CLOCK: variants seen among roughly 807,000 people sequenced by gnomAD.
CLOCK encodes the protein clock circadian regulator, also known as circadian locomoter output cycles protein kaput.
In CLOCK, 43 loss-of-function variants were observed where a neutral mutation model predicts 118.4. The ratio of observed to expected loss-of-function variants is 0.36; its 90% CI spans 0.28 to 0.47. The LOEUF (loss-of-function observed/expected upper bound fraction) is 0.47, where lower values mean the gene tolerates loss of function less well. Ranked by LOEUF, CLOCK falls within the 20% of genes least tolerant of loss-of-function variation. The probability of loss-of-function intolerance (pLI) is 1.00; values close to 1 mark genes in which losing one functional copy is unlikely to be tolerated. For missense variants in CLOCK, 846 were observed against 999.9 expected (o/e 0.85, Z 2.08); for synonymous variants, 326 against 339.2 (o/e 0.96, Z 0.43).
At position 55,433,701 on chromosome 4, in the gene CLOCK, CTG is replaced by C. The variant is rs1272820334; in HGVS notation, c.*1712_*1713del. 6.6e-6 allele frequency: 1 copy of C among 152,078 alleles called. No individual in the cohort carries two copies. Among genetic ancestry groups the C allele is most frequent in the Non-Finnish European group, 1.5e-5 (1 of 68,008 alleles). The allele number at this position is 152,078 out of a possible 1,614,324, so 9.4% of individuals were successfully genotyped here. On this transcript the variant is annotated 3_prime_UTR_variant, in exon 23 of 23. Coordinates refer to ENST00000513440, the MANE Select transcript of CLOCK (RefSeq NM_004898.4). Reference sequence around the variant, plus strand: ...CTACTAATCCTCTTTTGTTCTATCACTGTAAATTTCATTAGTACCATAAAATC... The same window carrying C: ...CTACTAATCCTCTTTTGTTCTATCACTAAATTTCATTAGTACCATAAAATC...
At position 55,444,871 on chromosome 4, in the gene CLOCK, A is replaced by C. The variant is rs146099049; in HGVS notation, c.1540-86T>G. 364 of 1,343,120 alleles carry C rather than the reference A, an allele frequency of 2.7e-4. 1 individual carries two copies. The African/African-American group carries it at 4.6e-3, about 17-fold the overall frequency. The allele number at this position is 1,343,120 out of a possible 1,614,324, so 83.2% of individuals were successfully genotyped here. A position where few individuals can be genotyped will look rare whatever the true frequency, so the allele number is the denominator to read the frequency against. On this transcript the variant is annotated intron_variant, in intron 18 of 22. Coordinates refer to ENST00000513440, the MANE Select transcript of CLOCK (RefSeq NM_004898.4). ...GCACAACATGAAAAGTAAGCAGTAT[A>C]ACATGAGTGAAGGATGATAACATCC...
intron 3 of CLOCK, among the ~76,000 whole-genome samples, chr4:55,488,341 C>T (rs945621395): frequency 3.9e-5 from 6 of 152,258 alleles, no homozygotes; most frequent in African/African-American, 1.4e-4. Flanking sequence ...CCAATGACTC[C>T]CAAATCCACA....
rs550233859 is a variant in CLOCK, at chr4:55,546,171, C to G, written c.-290+611G>C. 1.3e-3 allele frequency among the ~76,000 whole-genome samples: 194 copies of G among 152,264 alleles called. 1 individual carries two copies. The highest frequency in any genetic ancestry group is 1.9e-4 in the East Asian group (1 of 5,156). ...GTCACAAGGCCTAGCGGGTCCCCAGCGAAAGCTCTCTCGGCACCCGGTCCC... is the reference window on the plus strand; with the variant it reads ...GTCACAAGGCCTAGCGGGTCCCCAGGGAAAGCTCTCTCGGCACCCGGTCCC... On this transcript the variant is annotated intron_variant, in intron 1 of 22. Coordinates refer to ENST00000513440, the MANE Select transcript of CLOCK (RefSeq NM_004898.4).
Position 55,453,810 on chromosome 4 carries a change from T to C in CLOCK, c.997A>G (p.Lys333Glu), listed in dbSNP as rs1724681101. Reference protein sequence around the residue: ...KCHEHLMQYGKGKSCYYRFLT... With the variant: ...KCHEHLMQYGEGKSCYYRFLT... ...AACCTATAATAACATGATTTGCCTT[T>C]CCCATATTGCATTACTAAAAGGAAA... is the stretch of plus-strand genomic sequence containing the variant. Residue 333 changes from lysine to glutamate, a missense_variant, in exon 14 of 23, where the codon AAA (lysine) becomes GAA (glutamate). Physicochemically the swap from Lys to Glu is moderately conservative, Grantham distance 56. Around this residue, in one of 4 missense-constraint regions of CLOCK, gnomAD observed 66 missense variants for 99.4 expected, o/e 0.66. Coordinates refer to ENST00000513440, the MANE Select transcript of CLOCK (RefSeq NM_004898.4). 2.5e-6 allele frequency: 4 copies of C among 1,606,324 alleles called. No individual in the cohort carries two copies. The highest frequency in any genetic ancestry group is 3.4e-6 in the Non-Finnish European group (4 of 1,176,106).
chr4:55,466,573 G>A (rs573141216), intron 8 of CLOCK, among the ~76,000 whole-genome samples: 1 of 152,276 alleles, frequency 6.6e-6, no homozygotes, highest in South Asian at 2.1e-4. Context: ...AAATTATGAT[G>A]TGACCTATCT....
At chr4:55,486,283 C>T (rs1246296426) in intron 3 of CLOCK, 1 of 152,148 alleles carries the variant, frequency 6.6e-6, no homozygotes, top group East Asian at 1.9e-4. Flanking sequence ...CTGTCTGTAT[C>T]TACTATTTCT....
chr4:55,449,233 C>A (rs1724214079), intron 17 of CLOCK, among the ~76,000 whole-genome samples, 163 bp downstream of exon 17: 1 of 151,680 alleles, frequency 6.6e-6, no homozygotes, highest in Non-Finnish European at 1.5e-5. Context: ...CATATGACAA[C>A]CACTTCATAC....
chr4:55,456,616 T>C (rs1560428661), intron 11 of CLOCK, among the ~76,000 whole-genome samples: 1 of 136,564 alleles, frequency 7.3e-6, no homozygotes, highest in Non-Finnish European at 1.6e-5. Flanking sequence ...AATACATAAA[T>C]AAATAGTCAT....
chr4:55,504,298 A>AT (rs1466769986), intron 2 of CLOCK, among the ~76,000 whole-genome samples: 18 of 150,678 alleles, frequency 1.2e-4, no homozygotes, highest in African/African-American at 4.1e-4. Flanking sequence ...AAAAAAAAAA[A>AT]AAAAAAAAAC....
At chr4:55,539,636 G>GA (rs1330853437) in intron 1 of CLOCK, among the ~76,000 whole-genome samples, 2 of 107,186 alleles carry the variant, frequency 1.9e-5, no homozygotes, top group Non-Finnish European at 4.1e-5. Context: ...AACAAAAATA[G>GA]AAAAAATCAC....
intron 2 of CLOCK, among the ~76,000 whole-genome samples, chr4:55,507,343 T>G (rs1301706787): frequency 6.6e-6 from 1 of 151,764 alleles, no homozygotes; most frequent in Non-Finnish European, 1.5e-5. Flanking sequence ...CCAGGCATGG[T>G]GGCTCACACC....
At chr4:55,468,389 C>A in intron 8 of CLOCK, among the ~76,000 whole-genome samples, 1 of 152,126 alleles carries the variant, frequency 6.6e-6, no homozygotes, top group East Asian at 1.9e-4. Context: ...GGCACAGCAC[C>A]TAGCATGGTG....
chr4:55,524,452 T>C (rs1730042949), intron 1 of CLOCK, among the ~76,000 whole-genome samples: 1 of 151,824 alleles, frequency 6.6e-6, no homozygotes, highest in Non-Finnish European at 1.5e-5. Context: ...TTAATACCTA[T>C]TAAATGACTG....
intron 1 of CLOCK, among the ~76,000 whole-genome samples, 170 bp from the exon 2 acceptor site, chr4:55,510,235 A>T (rs1410696087): frequency 6.6e-6 from 1 of 152,218 alleles, no homozygotes; most frequent in Non-Finnish European, 1.5e-5. Context: ...CCCCTCTGGG[A>T]ACTCAACCGT....
chr4:55,471,642 T>C (rs1240404251), intron 7 of CLOCK, among the ~76,000 whole-genome samples: 2 of 152,202 alleles, frequency 1.3e-5, no homozygotes, highest in African/African-American at 4.8e-5. Context: ...CAATTTTGTA[T>C]TTTATACACT....
intron 1 of CLOCK, among the ~76,000 whole-genome samples, chr4:55,537,431 C>T (rs1464765330): frequency 6.6e-6 from 1 of 152,038 alleles, no homozygotes; most frequent in African/African-American, 2.4e-5. Flanking sequence ...CCAGCCTGGG[C>T]AACATAGTGA....
chr4:55,454,145 CCT>C lies in CLOCK; in HGVS notation c.983-323_983-322del, dbSNP rs1351763211. Among the ~76,000 whole-genome samples the C allele has an allele frequency of 6.6e-5, 10 of 152,200 alleles. 1 individual carries two copies. The highest frequency in any genetic ancestry group is 3.4e-3 in the Middle Eastern group (1 of 294). On this transcript the variant is annotated intron_variant, in intron 13 of 22. Coordinates refer to ENST00000513440, the MANE Select transcript of CLOCK (RefSeq NM_004898.4). ...AGGGTAATAACAATAAATAATCACC[CCT>C]GAGTTTTTTCTCCTAACTACTCTGG...
rs1025851448 is a variant in CLOCK, at chr4:55,443,779, T to C, written c.1810A>G (p.Thr604Ala). The change falls in exon 20 of 23, where the codon ACT becomes GCT. Residue 604 changes from threonine (T) to alanine (A), a missense_variant. Thr to Ala is a moderately conservative substitution (Grantham distance 58, BLOSUM62 0). Transcript: ENST00000513440. The part of the protein sequence containing the change: ...PINMQGQVVP[T>A]NQIQSGMNTG... The stretch of plus-strand genomic sequence containing the variant: ...TTCATTCCACTTTGAATCTGGTTAG[T>C]AGGAACAACTTGGCCTTGCATATTT... The C allele has an allele frequency of 1.2e-6, 2 of 1,613,966 alleles. No individual in the cohort carries two copies. The highest frequency in any genetic ancestry group is 8.5e-7 in the Non-Finnish European group (1 of 1,179,960).
intron 22 of CLOCK, among the ~76,000 whole-genome samples, chr4:55,437,195 G>C (rs1722950726): frequency 6.6e-6 from 1 of 152,138 alleles, no homozygotes; most frequent in Non-Finnish European, 1.5e-5. Context: ...CAAAGACAAG[G>C]ATTATATTTG....
Sources: allele counts gnomAD v4.1 joint callset (sites outside exome capture counted in the v4.1 genomes callset), GRCh38; gene constraint gnomAD v4.1.1; regional missense constraint gnomAD v4.1.1; transcripts MANE v1.5; gene names NCBI Gene and HGNC (gene_info 2026-07-23, HGNC 2026-07-21).